The following RARB variants were observed in gnomAD, a reference collection of about 807,000 sequenced individuals.
RARB encodes the protein HBV-activated protein.
RARB carries 17 observed loss-of-function variants against 51.9 expected under a neutral mutation model. That is an observed-to-expected ratio of 0.33 (90% CI 0.22 to 0.49). The LOEUF (loss-of-function observed/expected upper bound fraction) is 0.49, where lower values mean the gene tolerates loss of function less well. RARB is among the 20% of genes least tolerant of loss of function. RARB has a pLI of 0.99. For synonymous variants in RARB, 215 were observed against 195.4 expected (o/e 1.10, Z -0.84); for missense variants, 369 against 550.8 (o/e 0.67, Z 3.30).
rs186190145 is a variant in RARB, at chr3:25,178,547, A to G, written c.178+3972A>G. 8.1e-3 allele frequency among the ~76,000 whole-genome samples: 1,232 copies of G among 151,412 alleles called. 4 individuals carry two copies. Among genetic ancestry groups the G allele is most frequent in the Middle Eastern group, 0.017 (5 of 294 alleles). ...TCCAGACCCCGAGACCCCAGAGCGC[A>G]TGCCTTTCCCAGTGTTTTGGGCAAT... On this transcript the variant is annotated intron_variant, in intron 5 of 11. Coordinates refer to the RARB transcript ENST00000383772.
chr3:25,371,362 G>A (rs1042033584), intron 5 of RARB, among the ~76,000 whole-genome samples: 2 of 152,198 alleles, frequency 1.3e-5, no homozygotes, highest in Non-Finnish European at 2.9e-5. Context: ...CTACAGTGCT[G>A]ATGGGGCAAA....
intron 5 of RARB, among the ~76,000 whole-genome samples, chr3:25,372,048 G>A (rs899822825): frequency 6.6e-6 from 1 of 152,176 alleles, no homozygotes; most frequent in African/African-American, 2.4e-5. Context: ...GAATGAAAAA[G>A]AGAGGCATAG....
chr3:25,341,063 C>T (rs1705212448), intron 5 of RARB, among the ~76,000 whole-genome samples: 1 of 152,168 alleles, frequency 6.6e-6, no homozygotes, highest in Non-Finnish European at 1.5e-5. Flanking sequence ...GACATGCAGC[C>T]AGCAGAACAT....
intron 2 of RARB, among the ~76,000 whole-genome samples, chr3:25,470,294 T>C (rs982680294): frequency 1.3e-5 from 2 of 152,154 alleles, no homozygotes; most frequent in Non-Finnish European, 2.9e-5. Flanking sequence ...AGTTTTAAAA[T>C]GCAATTTTAA....
chr3:25,268,212 C>T (rs1026299352), intron 5 of RARB, among the ~76,000 whole-genome samples: 2 of 152,108 alleles, frequency 1.3e-5, no homozygotes, highest in African/African-American at 4.8e-5. Context: ...TTGGTGACTA[C>T]CACTGATACT....
At chr3:25,540,272 A>G (rs1394192404) in intron 3 of RARB, among the ~76,000 whole-genome samples, 1 of 152,192 alleles carries the variant, frequency 6.6e-6, no homozygotes, top group Non-Finnish European at 1.5e-5. Context: ...CCTGTAAGAT[A>G]TTTCGAGAAG....
At chr3:25,468,707 A>T (rs910022552) in intron 2 of RARB, among the ~76,000 whole-genome samples, 3 of 152,196 alleles carry the variant, frequency 2.0e-5, no homozygotes, top group Non-Finnish European at 2.9e-5. Context: ...TGATCATTTC[A>T]TAAAAGAAAT....
intron 2 of RARB, among the ~76,000 whole-genome samples, chr3:25,044,306 G>T (rs542412017): frequency 1.3e-5 from 2 of 152,204 alleles, no homozygotes; most frequent in South Asian, 4.1e-4. Flanking sequence ...TGAGAAATTG[G>T]CCTTGTGTCA....
chr3:24,906,494 T>C (rs1694866953), intron 2 of RARB, among the ~76,000 whole-genome samples: 1 of 152,130 alleles, frequency 6.6e-6, no homozygotes, highest in Non-Finnish European at 1.5e-5. Flanking sequence ...CTGCCCTTTA[T>C]TAGATTTATC....
rs149225980 is a variant in RARB at position 25,444,912 on chromosome 3, A to G, written c.157+16024A>G. Among the ~76,000 whole-genome samples the G allele has an allele frequency of 4.0e-4, 61 of 152,182 alleles. 1 individual carries two copies. The East Asian group carries it at 0.011, about 27-fold the overall frequency. On this transcript the variant is annotated intron_variant, in intron 1 of 7. Coordinates refer to ENST00000330688, the MANE Select transcript of RARB (RefSeq NM_000965.5). ...ACCATCTTTAGAGACCAGTGTTACC[A>G]TATCAGTTAGCTGGAGAAATGAATG...
chr3:24,840,742 T>TAAAAAAAAA (rs55771334), intron 1 of RARB, among the ~76,000 whole-genome samples: 2 of 70,338 alleles, frequency 2.8e-5, no homozygotes, highest in Admixed American at 1.8e-4. Context: ...TGAGTAAGAG[T>TAAAAAAAAA]AAAAAAAAAA....
intron 2 of RARB, among the ~76,000 whole-genome samples, chr3:24,858,930 G>A (rs1466100787): frequency 3.3e-5 from 5 of 151,574 alleles, no homozygotes; most frequent in South Asian, 4.2e-4. Flanking sequence ...CCAGCTACTC[G>A]GGAGGTTGAG....
Position 25,044,145 on chromosome 3 carries a change from A to G in RARB, c.-379-15980A>G, listed in dbSNP as rs536830290. On this transcript the variant is annotated intron_variant, in intron 2 of 11. Coordinates refer to the RARB transcript ENST00000383772. ...TTAAACAGCAAAACCCTTTTAGTCA[A>G]TTCTTAATAGACTCTTCCCTCTTTT... Among the ~76,000 whole-genome samples the G allele has an allele frequency of 2.0e-4, 30 of 152,298 alleles. 1 individual carries two copies. Among genetic ancestry groups the G allele is most frequent in the Middle Eastern group, 3.4e-3 (1 of 294 alleles).
At chr3:25,436,645 G>A (rs760089178) in intron 1 of RARB, among the ~76,000 whole-genome samples, 5 of 152,136 alleles carry the variant, frequency 3.3e-5, no homozygotes, top group East Asian at 1.9e-4. Context: ...TCTGCTTCTC[G>A]GGCAAGAGTT....
At position 25,580,599 on chromosome 3, in the gene RARB, C is replaced by T. The variant is rs1189637420; in HGVS notation, c.663C>T (p.Phe221=). The T allele has an allele frequency of 6.2e-7, 1 of 1,610,590 alleles. No homozygotes were observed. Among genetic ancestry groups the T allele is most frequent in the South Asian group, 1.1e-5 (1 of 90,680 alleles). ...VRLDLGLWDK[F]SELATKCIIK... Reference sequence around the variant, plus strand: ...TGGACCTGGGCCTCTGGGACAAATTCAGTGAACTGGCCACCAAGTGCATTA... The same window carrying T: ...TGGACCTGGGCCTCTGGGACAAATTTAGTGAACTGGCCACCAAGTGCATTA... The change falls in exon 5 of 8, where the codon TTC becomes TTT. Residue 221 remains phenylalanine (F), a synonymous_variant. Transcript: ENST00000330688.
intron 4 of RARB, among the ~76,000 whole-genome samples, chr3:25,160,352 C>A (rs1295613936): frequency 6.6e-6 from 1 of 152,176 alleles, no homozygotes; most frequent in African/African-American, 2.4e-5. Context: ...TCTTGCCTTA[C>A]CTCTTGACAT....
Position 25,463,005 on chromosome 3 carries a change from C to A in RARB, c.306+1664C>A, listed in dbSNP as rs185063399. ...GAACATCAACTCAACTTTTGTTCTT[C>A]TTTTAAATAAAATAAAACGAATCTG... On this transcript the variant is annotated intron_variant, in intron 2 of 7. Transcript: ENST00000330688. Among the ~76,000 whole-genome samples, 369 of 152,274 alleles carry A rather than the reference C, an allele frequency of 2.4e-3. 1 individual carries two copies. Among genetic ancestry groups the A allele is most frequent in the African/African-American group, 8.6e-3 (356 of 41,568 alleles).
intron 3 of RARB, among the ~76,000 whole-genome samples, chr3:25,553,154 CTT>C (rs10710993): frequency 2.6e-3 from 368 of 140,580 alleles, no homozygotes; most frequent in African/African-American, 7.4e-3. Flanking sequence ...CCATCTTTTG[CTT>C]TTTTTTTTTT....
In RARB at chr3:25,286,138, G is replaced by C. The variant is rs561427813; in HGVS notation, c.178+111563G>C. Among the ~76,000 whole-genome samples, 6 of 136,896 alleles carry C rather than the reference G, an allele frequency of 4.4e-5. No individual in the cohort carries two copies. The South Asian group carries it at 1.5e-3, about 34-fold the overall frequency. The allele number at this position is 136,896 out of a possible 152,430, so 89.8% of individuals were successfully genotyped here. ...GACGGAGTCTCTGTCACCAAGGCTGGAGTGCAGTGGCATGATCTCAGCTCA... is the reference window on the plus strand; with the variant it reads ...GACGGAGTCTCTGTCACCAAGGCTGCAGTGCAGTGGCATGATCTCAGCTCA... On this transcript the variant is annotated intron_variant, in intron 5 of 11. Coordinates refer to the RARB transcript ENST00000383772.
Sources: gnomAD v4.1 joint callset for allele counts (sites outside exome capture counted in the v4.1 genomes callset) on GRCh38, gnomAD v4.1.1 for gene constraint, MANE v1.5 for transcripts, NCBI Gene and HGNC (gene_info 2026-07-23, HGNC 2026-07-21) for gene names.